The following TET2 variants were observed in gnomAD, a reference collection of about 807,000 sequenced individuals.
TET2 encodes methylcytosine dioxygenase TET2.
TET2 carries 299 observed loss-of-function variants against 142.9 expected under a neutral mutation model. The observed-to-expected ratio is 2.09, with a 90% CI of 1.90 to 2.30. The LOEUF (loss-of-function observed/expected upper bound fraction) is 2.30. TET2 is among the 30% of genes most tolerant of loss of function. The pLI is 0.00. For missense variants in TET2, 2,418 were observed against 2,378.0 expected (o/e 1.02, Z -0.35); for synonymous variants, 819 against 849.0 (o/e 0.96, Z 0.61).
At chr4:105,268,072 T>C (rs1695650386) in intron 8 of TET2, among the ~76,000 whole-genome samples, 1 of 152,068 alleles carries the variant, frequency 6.6e-6, no homozygotes, top group Admixed American at 6.5e-5. Context: ...CATCAAACTG[T>C]AAATTTTAGA....
At chr4:105,246,951 A>G (rs1391609897) in intron 6 of TET2, among the ~76,000 whole-genome samples, 4 of 152,200 alleles carry the variant, frequency 2.6e-5, no homozygotes, top group Admixed American at 6.5e-5. Flanking sequence ...TTTTATGACT[A>G]AGTCTAACCA....
rs538845808 is a variant in TET2, at chr4:105,241,221, A to T, written c.3410-118A>T. On this transcript the variant is annotated intron_variant, in intron 3 of 10. Transcript: ENST00000380013. ...AATCTACTCATTTTAAAGAAAAAAA[A>T]ATTTTAAAGTCACTTTTAGAGCCCT... 5.4e-5 allele frequency: 73 copies of T among 1,344,268 alleles called. No homozygotes were observed. In the African/African-American group the frequency reaches 1.0e-3, roughly 18 times the overall value. 83.3% of individuals were successfully genotyped at this position (1,344,268 alleles called of 1,614,324 possible).
Position 105,236,260 on chromosome 4 carries a change from GATCATTCTTTGGCCAGACTAA to G in TET2, c.2320_2340del (p.Ser774_Lys780del). 6.2e-7 allele frequency: 1 copy of G among 1,614,096 alleles called. No individual in the cohort carries two copies. ...AGCAACAATGATCAGCAAAGAGAAG[GATCATTCTTTGGCCAGACTAA>G]AGTGGAAGAATGTTTTCATGGTGAA... On this transcript the variant is annotated inframe_deletion, in exon 3 of 11. Transcript: ENST00000380013.
At chr4:105,167,260 T>C (rs1724199539) in intron 1 of TET2, among the ~76,000 whole-genome samples, 1 of 152,102 alleles carries the variant, frequency 6.6e-6, no homozygotes, top group Non-Finnish European at 1.5e-5. Context: ...GCTCAAATCA[T>C]ATAAAATGTA....
rs1335401215 is a variant in TET2, at chr4:105,275,552, C to A, written c.5042C>A (p.Pro1681Gln). 2 of 1,551,676 alleles carry A rather than the reference C, an allele frequency of 1.3e-6. No individual in the cohort carries two copies. Among genetic ancestry groups the A allele is most frequent in the Middle Eastern group, 1.7e-4 (1 of 5,992 alleles). Residue 1681 changes from proline to glutamine, a missense_variant, in exon 11 of 11, where the codon CCA (proline) becomes CAA (glutamine). Physicochemically the swap from Pro to Gln is moderately conservative, Grantham distance 76 (BLOSUM62 -1). Coordinates refer to ENST00000380013, the MANE Select transcript of TET2 (RefSeq NM_001127208.3). ...SLPPIHTLYQ[P>Q]RFGNSQSFTS... The stretch of plus-strand genomic sequence containing the variant: ...CCACCCATCCATACACTTTACCAGC[C>A]AAGGTTTGGAAATAGCCAGAGTTTT...
chr4:105,204,215 CA>C (rs531909233), intron 2 of TET2, among the ~76,000 whole-genome samples: 2,690 of 97,216 alleles, frequency 0.028, 40 homozygotes, highest in Non-Finnish European at 0.039. Context: ...AAAAACAAAC[CA>C]AAAAAAAAAA....
chr4:105,155,442 C>T (rs1224619291), intron 1 of TET2, among the ~76,000 whole-genome samples: 1 of 152,202 alleles, frequency 6.6e-6, no homozygotes, highest in Non-Finnish European at 1.5e-5. Context: ...TTTACAAATA[C>T]CAGCAGAACT....
At chr4:105,253,099 T>C (rs1277096869) in intron 6 of TET2, among the ~76,000 whole-genome samples, 2 of 152,140 alleles carry the variant, frequency 1.3e-5, no homozygotes, top group Non-Finnish European at 2.9e-5. Flanking sequence ...TCCTTCAGTA[T>C]TGAGTTGGCT....
At chr4:105,191,365 A>T (rs1439856725) in intron 2 of TET2, among the ~76,000 whole-genome samples, 1 of 152,214 alleles carries the variant, frequency 6.6e-6, no homozygotes, top group African/African-American at 2.4e-5. Context: ...GTAGGGAACT[A>T]ATATATTTTT....
At position 105,240,410 on chromosome 4, in the gene TET2, T is replaced by C. The variant is rs1031652460; in HGVS notation, c.3410-929T>C. The C allele has an allele frequency of 3.2e-5, 34 of 1,072,310 alleles. No homozygotes were observed. The South Asian group carries it at 3.7e-4, about 12-fold the overall frequency. 66.4% of individuals were successfully genotyped at this position (1,072,310 alleles called of 1,614,324 possible). A position where few individuals can be genotyped will look rare whatever the true frequency, so the allele number is the denominator to read the frequency against. On this transcript the variant is annotated intron_variant, in intron 3 of 10. Coordinates refer to ENST00000380013, the MANE Select transcript of TET2 (RefSeq NM_001127208.3). ...ATATTTTTGCTGATGGATGTAGATA[T>C]ATACGTGGATAGAGATGAAGATCTT...
chr4:105,222,126 A>T (rs1321583178), intron 2 of TET2, among the ~76,000 whole-genome samples: 30 of 151,854 alleles, frequency 2.0e-4, no homozygotes, highest in African/African-American at 5.3e-4. Flanking sequence ...GTTGGACATT[A>T]GGGTTGGTTC....
chr4:105,160,333 TA>T (rs771186933), intron 1 of TET2, among the ~76,000 whole-genome samples: 13 of 150,422 alleles, frequency 8.6e-5, no homozygotes, highest in South Asian at 4.2e-4. Flanking sequence ...CAAGTTGAAA[TA>T]AAAAAAAAGG....
chr4:105,194,925 ATATAT>A (rs1725994896), intron 2 of TET2, among the ~76,000 whole-genome samples: 1 of 152,142 alleles, frequency 6.6e-6, no homozygotes, highest in Non-Finnish European at 1.5e-5. Context: ...TGTCTTGCAT[ATATAT>A]TAAGGCCCAG....
intron 2 of TET2, among the ~76,000 whole-genome samples, chr4:105,218,935 TTATC>T (rs1287507194): frequency 6.6e-6 from 1 of 151,986 alleles, no homozygotes; most frequent in Non-Finnish European, 1.5e-5. Flanking sequence ...CTTAACCTAT[TTATC>T]AGAGCTTTTC....
At chr4:105,253,668 A>G (rs1729982490) in intron 6 of TET2, among the ~76,000 whole-genome samples, 1 of 151,844 alleles carries the variant, frequency 6.6e-6, no homozygotes, top group African/African-American at 2.4e-5. Context: ...TAGCATTTCC[A>G]GTATGATGTT....
intron 6 of TET2, among the ~76,000 whole-genome samples, chr4:105,258,854 C>A (rs942087670): frequency 2.4e-4 from 36 of 152,086 alleles, no homozygotes; most frequent in Non-Finnish European, 3.8e-4. Context: ...CAAACTAGGG[C>A]TATAAAGCTG....
chr4:105,257,162 A>G (rs1730178324), intron 6 of TET2, among the ~76,000 whole-genome samples: 1 of 152,178 alleles, frequency 6.6e-6, no homozygotes, highest in South Asian at 2.1e-4. Context: ...GGCTGAGAGC[A>G]GTGGCTCGTG....
In TET2 at chr4:105,259,708, G is replaced by GT. The variant is rs1021869760; in HGVS notation, c.3894dup (p.Lys1299Ter). ...TCATGGAGCATGTACTACAATGGATGTAAGTTTGCCAGAAGCAAGATCCCA... is the reference window on the plus strand; with the variant it reads ...TCATGGAGCATGTACTACAATGGATGTTAAGTTTGCCAGAAGCAAGATCCCA... On this transcript the variant is annotated frameshift_variant, in exon 7 of 11. Coordinates refer to ENST00000380013, the MANE Select transcript of TET2 (RefSeq NM_001127208.3). LOFTEE classifies it high-confidence loss of function. The GT allele has an allele frequency of 1.9e-6, 3 of 1,551,012 alleles. No individual in the cohort carries two copies. The highest frequency in any genetic ancestry group is 1.4e-5 in the African/African-American group (1 of 72,998).
At chr4:105,153,526 T>G (rs1723415944) in intron 1 of TET2, among the ~76,000 whole-genome samples, 3 of 152,204 alleles carry the variant, frequency 2.0e-5, no homozygotes, top group Non-Finnish European at 4.4e-5. Context: ...TTAAAAATAT[T>G]TTAAGTTGTT....
Sources: gnomAD v4.1 joint callset for allele counts (sites outside exome capture counted in the v4.1 genomes callset) on GRCh38, gnomAD v4.1.1 for gene constraint, MANE v1.5 for transcripts, NCBI Gene and HGNC (gene_info 2026-07-23, HGNC 2026-07-21) for gene names.